The following PC variants were observed in gnomAD, a reference collection of about 807,000 sequenced individuals.
The protein encoded by PC is pyruvate carboxylase.
A neutral mutation model predicts 107.8 loss-of-function variants in PC; 46 were observed. The observed-to-expected ratio is 0.43, with a 90% CI of 0.34 to 0.55. PC has a LOEUF of 0.55. PC is among the 20% of genes least tolerant of loss of function. PC has a pLI of 0.04. For missense variants in PC, 1,241 were observed against 1,643.1 expected (o/e 0.76, Z 4.23); for synonymous variants, 662 against 684.7 (o/e 0.97, Z 0.52).
In PC at chr11:66,857,598, C is replaced by G. The variant is rs1293135272; in HGVS notation, c.1369-4215G>C. The G allele has an allele frequency of 1.2e-6, 1 of 830,304 alleles. No individual in the cohort carries two copies. The highest frequency in any genetic ancestry group is 1.8e-6 in the Non-Finnish European group (1 of 548,926). The allele number at this position is 830,304 out of a possible 1,614,324, so 51.4% of individuals were successfully genotyped here. ...TGCAGGCCCCAACCTTCCCTCATCT[C>G]TGGCGGCCCTCTTGGGCCTCTGACC... is the stretch of plus-strand genomic sequence containing the variant. On this transcript the variant is annotated intron_variant, in intron 12 of 22. Coordinates refer to ENST00000393960, the MANE Select transcript of PC (RefSeq NM_001040716.2). The surrounding 1 kb of genome is among the most constrained non-coding windows in gnomAD (Gnocchi z 7.1).
At chr11:66,901,331 C>T (rs1591255432) in intron 3 of PC, among the ~76,000 whole-genome samples, 1 of 152,102 alleles carries the variant, frequency 6.6e-6, no homozygotes, top group Non-Finnish European at 1.5e-5. Context: ...GGAGAGAGAA[C>T]GTGGGGTGTG....
At chr11:66,906,541 T>C (rs1948169158) in intron 3 of PC, among the ~76,000 whole-genome samples, 1 of 152,144 alleles carries the variant, frequency 6.6e-6, no homozygotes. Context: ...TCTTAACAAT[T>C]GCTAATCCCG....
chr11:66,887,314 A>C (rs1195292812), intron 3 of PC, among the ~76,000 whole-genome samples: 2 of 152,202 alleles, frequency 1.3e-5, no homozygotes, highest in African/African-American at 4.8e-5. Context: ...TGACCAAAAA[A>C]TTCACCAAAA....
intron 3 of PC, among the ~76,000 whole-genome samples, chr11:66,895,327 C>A (rs546755020): frequency 1.3e-5 from 2 of 152,276 alleles, no homozygotes; most frequent in South Asian, 4.1e-4. Flanking sequence ...CAGAACTGGA[C>A]CCCCACCTGC....
At position 66,850,245 on chromosome 11, in the gene PC, T is replaced by C. The variant is rs764532098; in HGVS notation, c.2693A>G (p.Asn898Ser). The part of the protein sequence containing the change: ...KEVKKAYVEA[N>S]QMLGDLIKVT... ...CTTGATGAGATCGCCCAGCATCTGG[T>C]TGGCCTCCACATAGGCCTTCTTGAC... The change falls in exon 19 of 23, where the codon AAC becomes AGC. Residue 898 changes from asparagine to serine, a missense_variant. Coordinates refer to ENST00000393960, the MANE Select transcript of PC (RefSeq NM_001040716.2). The C allele has an allele frequency of 2.5e-6, 4 of 1,613,946 alleles. No homozygotes were observed. Among genetic ancestry groups the C allele is most frequent in the South Asian group, 2.2e-5 (2 of 91,094 alleles).
intron 3 of PC, among the ~76,000 whole-genome samples, chr11:66,921,417 G>T (rs1948592787): frequency 6.6e-6 from 1 of 152,178 alleles, no homozygotes; most frequent in Admixed American, 6.6e-5. Context: ...CTTCCTCCCA[G>T]ACCCCAGGCA....
intron 3 of PC, among the ~76,000 whole-genome samples, chr11:66,898,386 G>A (rs527669802): frequency 6.6e-6 from 1 of 152,280 alleles, no homozygotes; most frequent in South Asian, 2.1e-4. Context: ...GACACATAAA[G>A]TGCAATTCAA....
chr11:66,910,032 C>T (rs776345471), intron 3 of PC, among the ~76,000 whole-genome samples: 6 of 152,146 alleles, frequency 3.9e-5, no homozygotes, highest in Admixed American at 6.5e-5. Context: ...ATTAACCTTC[C>T]ATGCAATTGT....
chr11:66,900,683 C>A (rs1456194045), intron 3 of PC, among the ~76,000 whole-genome samples: 3 of 152,074 alleles, frequency 2.0e-5, no homozygotes, highest in African/African-American at 7.2e-5. Flanking sequence ...TTGTTTTCAA[C>A]AATGTTTCAT....
chr11:66,880,112 C>A (rs551354131), intron 3 of PC, among the ~76,000 whole-genome samples: 1 of 152,206 alleles, frequency 6.6e-6, no homozygotes, highest in African/African-American at 2.4e-5. Flanking sequence ...GGCGCCTGCA[C>A]CCTTCCTAGA....
intron 3 of PC, among the ~76,000 whole-genome samples, chr11:66,910,119 T>C (rs1276705983): frequency 6.6e-6 from 1 of 151,314 alleles, no homozygotes; most frequent in Admixed American, 6.6e-5. Flanking sequence ...GCGGGGGGAG[T>C]AAGTGTCTGG....
chr11:66,885,383 G>C (rs754205039), intron 3 of PC, among the ~76,000 whole-genome samples: 1 of 151,766 alleles, frequency 6.6e-6, no homozygotes, highest in East Asian at 1.9e-4. Flanking sequence ...CCAGCTACTC[G>C]GGAAGCTGAG....
chr11:66,928,226 A>T (rs1046399316), intron 3 of PC, among the ~76,000 whole-genome samples: 4 of 151,982 alleles, frequency 2.6e-5, no homozygotes, highest in Non-Finnish European at 5.9e-5. Context: ...CTCTCCTAAA[A>T]ATACAAAAAA....
intron 3 of PC, among the ~76,000 whole-genome samples, chr11:66,940,644 T>G (rs2136130867): frequency 6.6e-6 from 1 of 151,984 alleles, no homozygotes; most frequent in African/African-American, 2.4e-5. Context: ...GCCAAGACTG[T>G]GCCACTGTAC....
chr11:66,912,459 T>C (rs554783875), intron 3 of PC, among the ~76,000 whole-genome samples: 152 of 152,292 alleles, frequency 1.0e-3, no homozygotes, highest in African/African-American at 3.6e-3. Flanking sequence ...CTTCTTCACC[T>C]TGGGACACAA....
intron 3 of PC, among the ~76,000 whole-genome samples, chr11:66,946,418 C>T (rs925917533): frequency 9.2e-5 from 14 of 151,966 alleles, no homozygotes; most frequent in Non-Finnish European, 1.5e-4. Flanking sequence ...ATCACAAGGT[C>T]GGGAGTTCGA....
intron 11 of PC, among the ~76,000 whole-genome samples, chr11:66,865,381 C>G (rs1297017555): frequency 6.6e-6 from 1 of 152,240 alleles, no homozygotes; most frequent in Non-Finnish European, 1.5e-5. Context: ...GGCTCAGGCC[C>G]CTGGATAGGG....
At chr11:66,864,687 C>T (rs553657954) in intron 11 of PC, among the ~76,000 whole-genome samples, 1 of 152,290 alleles carries the variant, frequency 6.6e-6, no homozygotes, top group East Asian at 1.9e-4. Context: ...AGCGGGGCAG[C>T]GGGACAGGGC....
intron 3 of PC, among the ~76,000 whole-genome samples, chr11:66,939,258 A>G (rs1209136714): frequency 6.6e-6 from 1 of 152,256 alleles, no homozygotes; most frequent in Admixed American, 6.5e-5. Context: ...TTTACATTGG[A>G]TTGGGTATTT....
Sources: allele counts gnomAD v4.1 joint callset (sites outside exome capture counted in the v4.1 genomes callset), GRCh38; gene constraint gnomAD v4.1.1; non-coding constraint Gnocchi (gnomAD v3.1); transcripts MANE v1.5; gene names NCBI Gene and HGNC (gene_info 2026-07-23, HGNC 2026-07-21).